The following PI4KB variants were observed in gnomAD, a reference collection of about 807,000 sequenced individuals.
PI4KB encodes the protein PtdIns 4-kinase beta.
A neutral mutation model predicts 81.4 loss-of-function variants in PI4KB; 23 were observed. The ratio of observed to expected loss-of-function variants is 0.28; its 90% CI spans 0.20 to 0.40. PI4KB has a LOEUF of 0.40. Among genes scored for constraint, PI4KB ranks in the 10% least tolerant of loss-of-function variants. The pLI is 1.00. For synonymous variants in PI4KB, 381 were observed against 406.8 expected (o/e 0.94, Z 0.76); for missense variants, 651 against 1,036.6 (o/e 0.63, Z 5.11).
chr1:151,297,441 A>G (rs992132552), intron 9 of PI4KB, among the ~76,000 whole-genome samples: 2 of 149,566 alleles, frequency 1.3e-5, no homozygotes, highest in Non-Finnish European at 1.5e-5. Context: ...TCCTGGGTTC[A>G]AGCAATTCTC....
chr1:151,321,938 C>A (rs1280198998), intron 1 of PI4KB, among the ~76,000 whole-genome samples: 4 of 148,180 alleles, frequency 2.7e-5, no homozygotes, highest in Non-Finnish European at 4.5e-5. Flanking sequence ...GACTGGAAAG[C>A]AAAAGAAAAG....
chr1:151,292,648 CCAA>C lies in PI4KB; in HGVS notation c.*201_*203del, dbSNP rs954042393. The C allele has an allele frequency of 7.3e-5, 42 of 578,232 alleles. No homozygotes were observed. In the African/African-American group the frequency reaches 7.7e-4, roughly 11 times the overall value. The allele number at this position is 578,232 out of a possible 1,614,324, so 35.8% of individuals were successfully genotyped here. On this transcript the variant is annotated 3_prime_UTR_variant, in exon 12 of 12. Coordinates refer to ENST00000368873, the MANE Select transcript of PI4KB (RefSeq NM_001369623.2). The stretch of plus-strand genomic sequence containing the variant: ...ACAGACCAGGAGGGGCAGGGAAGCC[CCAA>C]CAAGTCTGGACCCCACAGCTGGCTC...
chr1:151,303,447 C>A (rs1267857389), intron 6 of PI4KB, 94 bp downstream of exon 6: 8 of 834,524 alleles, frequency 9.6e-6, no homozygotes, highest in East Asian at 2.4e-5. Flanking sequence ...CACAGGCCAA[C>A]AACAGATGAT....
At chr1:151,310,073 G>A (rs1696084166) in intron 3 of PI4KB, 138 bp downstream of exon 3, 5 of 653,180 alleles carry the variant, frequency 7.7e-6, no homozygotes, top group Middle Eastern at 4.2e-4. Flanking sequence ...AGGTCTGGGA[G>A]GGAGGAGCTG....
intron 9 of PI4KB, 57 bp downstream of exon 9, chr1:151,298,751 C>T (rs756755770): frequency 1.1e-5 from 17 of 1,566,972 alleles, no homozygotes; most frequent in South Asian, 2.3e-5. Context: ...GAACTACACA[C>T]GAAGGGACAG....
Position 151,292,645 on chromosome 1 carries a change from G to A in PI4KB, c.*207C>T, listed in dbSNP as rs747764332. On this transcript the variant is annotated 3_prime_UTR_variant, in exon 12 of 12. Transcript: ENST00000368873. ...GACACAGACCAGGAGGGGCAGGGAA[G>A]CCCCAACAAGTCTGGACCCCACAGC... 24 of 582,564 alleles carry A rather than the reference G, an allele frequency of 4.1e-5. No individual in the cohort carries two copies. Among genetic ancestry groups the A allele is most frequent in the Non-Finnish European group, 7.0e-5 (23 of 327,608 alleles). 36.1% of individuals were successfully genotyped at this position (582,564 alleles called of 1,614,324 possible).
chr1:151,321,902 G>T (rs971225927), intron 1 of PI4KB, among the ~76,000 whole-genome samples: 1 of 150,864 alleles, frequency 6.6e-6, no homozygotes, highest in African/African-American at 2.4e-5. Flanking sequence ...AGCCTTTGAG[G>T]GTAACTGTTC....
chr1:151,296,009 G>A (rs930490263), intron 9 of PI4KB, among the ~76,000 whole-genome samples: 1 of 152,244 alleles, frequency 6.6e-6, no homozygotes, highest in African/African-American at 2.4e-5. Flanking sequence ...ACTTTGGGAG[G>A]CTGAGGCAGG....
intron 3 of PI4KB, 147 bp downstream of exon 3, chr1:151,310,064 G>A (rs75398931): frequency 3.1e-6 from 2 of 636,236 alleles, no homozygotes; most frequent in Non-Finnish European, 5.7e-6. Context: ...AGATCTGGGA[G>A]GTCTGGGAGG....
At chr1:151,306,003 C>A in intron 5 of PI4KB, 133 bp downstream of exon 5, 2 of 647,982 alleles carry the variant, frequency 3.1e-6, no homozygotes, top group South Asian at 3.8e-5. Flanking sequence ...CCATATTACC[C>A]CTCACTACCT....
intron 2 of PI4KB, among the ~76,000 whole-genome samples, chr1:151,312,737 G>C (rs1647301322): frequency 6.6e-6 from 1 of 152,222 alleles, no homozygotes; most frequent in Non-Finnish European, 1.5e-5. Flanking sequence ...AAAGGGGCTG[G>C]GTCTAGTCAC....
Position 151,316,522 on chromosome 1 carries a change from G to A in PI4KB, c.-28-13C>T, listed in dbSNP as rs756068326. The A allele has an allele frequency of 6.7e-7, 1 of 1,503,556 alleles. No homozygotes were observed. The highest frequency in any genetic ancestry group is 8.9e-7 in the Non-Finnish European group (1 of 1,124,746). The allele number at this position is 1,503,556 out of a possible 1,614,324, so 93.1% of individuals were successfully genotyped here. On this transcript the variant is annotated splice_polypyrimidine_tract_variant and intron_variant, in intron 1 of 11. Coordinates refer to ENST00000368873, the MANE Select transcript of PI4KB (RefSeq NM_001369623.2). ...TCGAGCTTCCAAGCTACAGGAAGAG[G>A]GAGGGAGAAAAGAACAGAAAGGGAG...
chr1:151,318,500 G>A (rs1648341185), intron 1 of PI4KB, among the ~76,000 whole-genome samples: 1 of 151,480 alleles, frequency 6.6e-6, no homozygotes, highest in Admixed American at 6.6e-5. Flanking sequence ...ATTACCTGAG[G>A]TCAGGAGTTC....
chr1:151,313,936 A>G (rs192299725), intron 2 of PI4KB, among the ~76,000 whole-genome samples: 1 of 152,248 alleles, frequency 6.6e-6, no homozygotes, highest in Non-Finnish European at 1.5e-5. Context: ...CAAAACATCT[A>G]ATCTTTCTAA....
intron 1 of PI4KB, among the ~76,000 whole-genome samples, chr1:151,323,108 T>C (rs1649085353): frequency 6.6e-6 from 1 of 152,230 alleles, no homozygotes. Flanking sequence ...TTATTTAAAG[T>C]TATACAGGTG....
intron 3 of PI4KB, 105 bp from the exon 4 acceptor site, chr1:151,307,906 T>A (rs947261690): frequency 7.4e-6 from 6 of 807,996 alleles, no homozygotes; most frequent in Non-Finnish European, 1.0e-5. Context: ...CCCCACTATC[T>A]GGAGAACTCC....
chr1:151,292,625 A>T lies in PI4KB; in HGVS notation c.*227T>A. On this transcript the variant is annotated 3_prime_UTR_variant, in exon 12 of 12. Transcript: ENST00000368873. ...GTCAGTCTGGTGGTAATACTGACAC[A>T]GACCAGGAGGGGCAGGGAAGCCCCA... 1 of 562,854 alleles carries T rather than the reference A, an allele frequency of 1.8e-6. No homozygotes were observed. 34.9% of individuals were successfully genotyped at this position (562,854 alleles called of 1,614,324 possible). A position where few individuals can be genotyped will look rare whatever the true frequency, so the allele number is the denominator to read the frequency against.
rs1001303495 is a variant in PI4KB at position 151,292,784 on chromosome 1, T to C, written c.*68A>G. ...GTAGGTGGGGTTTCCTGGTTTGGGG[T>C]TTCTCAGACAAGGGCCCTCTAGGGA... On this transcript the variant is annotated 3_prime_UTR_variant, in exon 12 of 12. Transcript: ENST00000368873. 2.1e-6 allele frequency: 3 copies of C among 1,441,888 alleles called. No individual in the cohort carries two copies. The highest frequency in any genetic ancestry group is 4.1e-5 in the Admixed American group (2 of 48,646). The allele number at this position is 1,441,888 out of a possible 1,614,324, so 89.3% of individuals were successfully genotyped here. A position where few individuals can be genotyped will look rare whatever the true frequency, so the allele number is the denominator to read the frequency against.
chr1:151,309,857 C>G (rs1339342102), intron 3 of PI4KB, among the ~76,000 whole-genome samples: 3 of 152,114 alleles, frequency 2.0e-5, no homozygotes, highest in Non-Finnish European at 4.4e-5. Context: ...GAAACAGGAT[C>G]CTGGGGGTTT....
Sources: gnomAD v4.1 joint callset for allele counts (sites outside exome capture counted in the v4.1 genomes callset) on GRCh38, gnomAD v4.1.1 for gene constraint, MANE v1.5 for transcripts, NCBI Gene and HGNC (gene_info 2026-07-23, HGNC 2026-07-21) for gene names.